Variants in CRYBG3 observed in about 807,000 individuals in gnomAD.
CRYBG3 encodes the protein crystallin beta-gamma domain containing 3.
A neutral mutation model predicts 244.2 loss-of-function variants in CRYBG3; 127 were observed. The ratio of observed to expected loss-of-function variants is 0.52; its 90% confidence interval spans 0.45 to 0.60. CRYBG3 has a LOEUF of 0.60. Among genes scored for constraint, CRYBG3 ranks in the 20% least tolerant of loss-of-function variants. The pLI is 0.00. For synonymous variants in CRYBG3, 1,132 were observed against 1,195.8 expected, an observed-to-expected ratio of 0.95 and a Z score of 1.10; for missense variants, 3,325 against 3,442.5, an observed-to-expected ratio of 0.97 and a Z score of 0.85.
At chr3:97,886,856 C>A in intron 8 of CRYBG3, 89 bp downstream of exon 8, 1 of 1,156,250 alleles carries the variant, frequency 8.6e-7, no homozygotes, top group Non-Finnish European at 1.2e-6. Flanking sequence ...AAGTTTCTAG[C>A]TAATGTTTAT....
At chr3:97,881,413 T>C (rs187319514) in intron 7 of CRYBG3, among the ~76,000 whole-genome samples, 194 bp downstream of exon 7, 4 of 152,288 alleles carry the variant, frequency 2.6e-5, no homozygotes, top group Admixed American at 2.0e-4. Flanking sequence ...AGAGGTAATG[T>C]AGTTTATAAA....
intron 2 of CRYBG3, among the ~76,000 whole-genome samples, chr3:97,857,462 G>A (rs935746633): frequency 6.7e-6 from 1 of 149,954 alleles, no homozygotes; most frequent in African/African-American, 2.5e-5. Flanking sequence ...AGTTGAGAGT[G>A]GGATTTTGAA....
intron 1 of CRYBG3, among the ~76,000 whole-genome samples, chr3:97,839,649 A>AT (rs1295894535): frequency 4.4e-4 from 65 of 148,346 alleles, no homozygotes; most frequent in South Asian, 1.5e-3. Flanking sequence ...ATGGTTATAG[A>AT]TTTTTTTTTT....
rs368997238 is a variant in CRYBG3, at chr3:97,915,691, C to T, written c.8196C>T (p.Cys2732=). The T allele has an allele frequency of 1.4e-5, 23 of 1,612,422 alleles. No individual in the cohort carries two copies. Among genetic ancestry groups the T allele is most frequent in the Non-Finnish European group, 1.7e-5 (20 of 1,178,866 alleles). The part of the protein sequence containing the change: ...EEGLYADLTS[C]GCPASKVKSL... ...GCCTCTATGCTGACCTTACTTCCTG[C>T]GGTTGCCCAGCATCTAAAGTCAAAT... The change falls in exon 17 of 22, where the codon TGC becomes TGT. Residue 2732 remains cysteine (C), a synonymous_variant. Coordinates refer to ENST00000389622, the MANE Select transcript of CRYBG3 (RefSeq NM_153605.4).
chr3:97,917,427 A>T (rs1442697362), intron 17 of CRYBG3, among the ~76,000 whole-genome samples: 2 of 152,144 alleles, frequency 1.3e-5, no homozygotes, highest in African/African-American at 4.8e-5. Flanking sequence ...TAAGGGTAGC[A>T]TGTTAGTTAT....
Position 97,943,354 on chromosome 3 carries a change from A to G in CRYBG3, c.*40A>G, listed in dbSNP as rs779235192. ...CTAGAAAGATCCCTAGAAAGAGCAA[A>G]GAAGGAAACACATCTGTCATTGTCT... On this transcript the variant is annotated 3_prime_UTR_variant, in exon 22 of 22. Transcript: ENST00000389622. 8 of 1,130,074 alleles carry G rather than the reference A, an allele frequency of 7.1e-6. No individual in the cohort carries two copies. The highest frequency in any genetic ancestry group is 1.5e-5 in the African/African-American group (1 of 64,800). 70.0% of individuals were successfully genotyped at this position (1,130,074 alleles called of 1,614,324 possible).
chr3:97,932,004 T>A (rs1206218011), intron 17 of CRYBG3, among the ~76,000 whole-genome samples: 4 of 152,032 alleles, frequency 2.6e-5, no homozygotes, highest in Non-Finnish European at 5.9e-5. Context: ...AACTTAAAAT[T>A]AATAATACCA....
intron 11 of CRYBG3, among the ~76,000 whole-genome samples, chr3:97,894,838 A>C (rs1182107520): frequency 2.0e-5 from 3 of 152,204 alleles, no homozygotes; most frequent in Non-Finnish European, 4.4e-5. Context: ...TGGTTCATTT[A>C]CATATTACAG....
At chr3:97,857,390 G>C (rs1312408809) in intron 2 of CRYBG3, among the ~76,000 whole-genome samples, 1 of 150,754 alleles carries the variant, frequency 6.6e-6, no homozygotes, top group African/African-American at 2.4e-5. Context: ...TAGGTCTATA[G>C]TGAAATTTAA....
chr3:97,869,448 G>T (rs898947823), intron 3 of CRYBG3, among the ~76,000 whole-genome samples: 44 of 152,162 alleles, frequency 2.9e-4, no homozygotes, highest in African/African-American at 1.1e-3. Context: ...TTTGTACTTA[G>T]TTTTCTTACA....
chr3:97,859,050 G>GT (rs1316838565), intron 2 of CRYBG3, among the ~76,000 whole-genome samples: 1 of 152,098 alleles, frequency 6.6e-6, no homozygotes, highest in Admixed American at 6.6e-5. Context: ...GTCACAATAT[G>GT]TTTTTTTGGG....
rs761405975 is a variant in CRYBG3 at position 97,872,800 on chromosome 3, G to T, written c.1606G>T (p.Ala536Ser). 6.5e-7 allele frequency: 1 copy of T among 1,535,948 alleles called. No homozygotes were observed. Among genetic ancestry groups the T allele is most frequent in the South Asian group, 1.2e-5 (1 of 84,052 alleles). Residue 536 changes from alanine (A) to serine (S), a missense_variant, in exon 4 of 22, where the codon GCT becomes TCT. Physicochemically the swap from Ala to Ser is moderately conservative, Grantham distance 99. Transcript: ENST00000389622. ...EIRRETESAS[A>S]GESIASSHVK... ...CAGGCGAGAAACAGAAAGTGCCTCA[G>T]CTGGTGAATCCATAGCTTCAAGTCA...
chr3:97,832,303 A>G (rs906267520), intron 1 of CRYBG3, among the ~76,000 whole-genome samples: 2 of 151,904 alleles, frequency 1.3e-5, no homozygotes, highest in South Asian at 2.1e-4. Flanking sequence ...GTATCATGCT[A>G]CCTGACTTCA....
intron 1 of CRYBG3, among the ~76,000 whole-genome samples, chr3:97,825,035 G>T (rs895058353): frequency 4.6e-5 from 7 of 152,180 alleles, no homozygotes; most frequent in Non-Finnish European, 1.0e-4. Context: ...AGAGAATAGG[G>T]AACAGGTATT....
intron 13 of CRYBG3, 46 bp downstream of exon 13, chr3:97,899,071 A>G (rs1189369335): frequency 6.3e-7 from 1 of 1,598,534 alleles, no homozygotes; most frequent in Non-Finnish European, 8.5e-7. Flanking sequence ...GGTGTTTAAG[A>G]TTGTTGTTTG....
intron 18 of CRYBG3, 151 bp from the exon 19 acceptor site, chr3:97,936,634 C>T: frequency 1.4e-6 from 1 of 702,976 alleles, no homozygotes; most frequent in East Asian, 2.8e-5. Context: ...TCTCCTATAC[C>T]TCCCTGATTT....
chr3:97,938,611 C>G (rs2040189858), intron 19 of CRYBG3, among the ~76,000 whole-genome samples: 1 of 151,974 alleles, frequency 6.6e-6, no homozygotes, highest in South Asian at 2.1e-4. Context: ...CTGGCTCTGC[C>G]ATTTGTAAGC....
In CRYBG3 at chr3:97,824,672, A is replaced by G. The variant is rs372591408; in HGVS notation, c.149+2317A>G. Among the ~76,000 whole-genome samples the G allele has an allele frequency of 2.6e-4, 39 of 152,364 alleles. 3 individuals are homozygous for G. In the East Asian group the frequency reaches 3.3e-3, roughly 13 times the overall value. ...TCTTTGTCACAATTAAAGAAGGCCT[A>G]TTAGCATCAACACTATTGTATATCC... On this transcript the variant is annotated intron_variant, in intron 1 of 21. Coordinates refer to ENST00000389622, the MANE Select transcript of CRYBG3 (RefSeq NM_153605.4).
intron 1 of CRYBG3, among the ~76,000 whole-genome samples, chr3:97,842,828 A>T (rs949927108): frequency 6.6e-5 from 10 of 152,188 alleles, no homozygotes; most frequent in Non-Finnish European, 1.2e-4. Flanking sequence ...ATGGGCATTA[A>T]AAAAAGATCT....
Sources: allele counts gnomAD v4.1 joint callset (sites outside exome capture counted in the v4.1 genomes callset), GRCh38; gene constraint gnomAD v4.1.1; transcripts MANE v1.5; gene names NCBI Gene and HGNC (gene_info 2026-07-23, HGNC 2026-07-21).